The following KCNQ1 variants were observed in gnomAD, a reference collection of about 807,000 sequenced individuals.
KCNQ1 encodes potassium voltage-gated channel subfamily Q member 1.
KCNQ1 carries 49 observed loss-of-function variants against 72.4 expected under a neutral mutation model. The ratio of observed to expected loss-of-function variants is 0.68; its 90% confidence interval spans 0.54 to 0.86. The LOEUF is 0.86. KCNQ1 is among the 40% of genes least tolerant of loss of function. KCNQ1 has a pLI of 0.00. For synonymous variants in KCNQ1, 450 were observed against 412.6 expected (o/e 1.09, Z -1.10); for missense variants, 790 against 945.1 (o/e 0.84, Z 2.15).
chr11:2,814,264 AGGATGGATGGATGGTGGGATGGATGGAT>A (rs1397005237), intron 15 of KCNQ1, among the ~76,000 whole-genome samples: 2 of 150,320 alleles, frequency 1.3e-5, no homozygotes, highest in African/African-American at 2.5e-5. Flanking sequence ...GGCTGAATAA[AGGATGGATGGATGGTGGGATGGATGGAT>A]GGATGGATGG....
chr11:2,719,532 C>T (rs1851168718), intron 11 of KCNQ1, among the ~76,000 whole-genome samples: 1 of 151,950 alleles, frequency 6.6e-6, no homozygotes, highest in Non-Finnish European at 1.5e-5. Context: ...CCCCTGCACA[C>T]AAATCCCAGA....
At chr11:2,630,801 C>T in intron 10 of KCNQ1, 2 of 398,358 alleles carry the variant, frequency 5.0e-6, no homozygotes, top group Non-Finnish European at 8.9e-6. Context: ...TTTTGTTTAC[C>T]TGAGGAAGTC....
chr11:2,792,960 G>T (rs529646712), intron 15 of KCNQ1, among the ~76,000 whole-genome samples: 1 of 140,122 alleles, frequency 7.1e-6, no homozygotes, highest in South Asian at 2.6e-4. Flanking sequence ...CCGCCCCCCG[G>T]GAGCCGCAGG....
rs1457922896 is a variant in KCNQ1 at position 2,566,003 on chromosome 11, AGAT to A, written c.478-4622_478-4620del. On this transcript the variant is annotated intron_variant, in intron 2 of 15. Transcript: ENST00000155840. This position sits in a 1 kb window ranked among gnomAD's most constrained non-coding sequence, Gnocchi z 6.7. ...CTCTCCAGCTTCCCGGCTGCCCACT[AGAT>A]GACCACCAAGGCAGGGCGGCTGGTG... 1.3e-5 allele frequency among the ~76,000 whole-genome samples: 2 copies of A among 151,836 alleles called. No individual in the cohort carries two copies. Among genetic ancestry groups the A allele is most frequent in the African/African-American group, 2.4e-5 (1 of 41,278 alleles).
In KCNQ1 at chr11:2,622,271, A is replaced by T. The variant is rs1849186863; in HGVS notation, c.1393+33417A>T. ...ATACGTTTCCAATTGCGAAGTCTTG[A>T]GTAATTTTCCATTTTCTCAGTATGT... On this transcript the variant is annotated intron_variant, in intron 10 of 15. Coordinates refer to ENST00000155840, the MANE Select transcript of KCNQ1 (RefSeq NM_000218.3). 1.3e-5 allele frequency: 5 copies of T among 398,344 alleles called. No homozygotes were observed. In the East Asian group the frequency reaches 1.8e-4, roughly 14 times the overall value. 24.7% of individuals were successfully genotyped at this position (398,344 alleles called of 1,614,324 possible).
intron 1 of KCNQ1, among the ~76,000 whole-genome samples, chr11:2,448,271 C>T (rs529885379): frequency 2.0e-4 from 30 of 152,344 alleles, no homozygotes; most frequent in Non-Finnish European, 3.8e-4. Flanking sequence ...GAGACTGCCC[C>T]TGTAGGCTCT....
chr11:2,542,308 G>T (rs946709569), intron 2 of KCNQ1, among the ~76,000 whole-genome samples: 2 of 152,258 alleles, frequency 1.3e-5, no homozygotes, highest in Non-Finnish European at 2.9e-5. Context: ...CTCCCCTGGC[G>T]GGGGCGGGGA....
chr11:2,465,716 G>A (rs1192517965), intron 1 of KCNQ1, among the ~76,000 whole-genome samples: 1 of 152,222 alleles, frequency 6.6e-6, no homozygotes, highest in Non-Finnish European at 1.5e-5. Context: ...AGCTTCCTGG[G>A]AGAAGGTTTA....
At chr11:2,571,724 C>T (rs1303441719) in intron 4 of KCNQ1, among the ~76,000 whole-genome samples, 1 of 152,150 alleles carries the variant, frequency 6.6e-6, no homozygotes, top group Admixed American at 6.5e-5. Context: ...TGGGGTGACC[C>T]AAGGAGCCCC....
intron 10 of KCNQ1, chr11:2,634,321 C>G: frequency 4.2e-6 from 1 of 240,740 alleles, no homozygotes; most frequent in Non-Finnish European, 7.5e-6. Context: ...CCTCCCCCCT[C>G]CCCCCTCCCC....
chr11:2,583,681 C>T, intron 7 of KCNQ1, 136 bp downstream of exon 7: 2 of 724,194 alleles, frequency 2.8e-6, no homozygotes, highest in South Asian at 2.9e-5. Flanking sequence ...AGGTGCTATA[C>T]TCCAGAGCCC....
At chr11:2,496,495 C>CTTTTTTTTTTTGT (rs1846920690) in intron 1 of KCNQ1, among the ~76,000 whole-genome samples, 1 of 29,830 alleles carries the variant, frequency 3.4e-5, no homozygotes, top group African/African-American at 1.1e-4. Context: ...ACAACCCCTG[C>CTTTTTTTTTTTGT]TTTTTTTTTT....
rs1249749411 is a variant in KCNQ1 at position 2,784,431 on chromosome 11, G to T, written c.1794+6394G>T. 6.6e-6 allele frequency among the ~76,000 whole-genome samples: 1 copy of T among 151,744 alleles called. No homozygotes were observed. The highest frequency in any genetic ancestry group is 1.5e-5 in the Non-Finnish European group (1 of 67,758). On this transcript the variant is annotated intron_variant, in intron 15 of 15. Transcript: ENST00000155840. The surrounding 1 kb of genome is among the most constrained non-coding windows in gnomAD (Gnocchi z 4.7). ...TACTATACTGTCTTGATTATTGTAG[G>T]TTTACAGTAAGTTTTAAAATTAAAT...
chr11:2,648,981 CTTTTTTTTTTTTT>C, intron 10 of KCNQ1: 3 of 313,730 alleles, frequency 9.6e-6, no homozygotes, highest in African/African-American at 3.9e-5. Flanking sequence ...TTTTCTTTTT[CTTTTTTTTTTTTT>C]TTTTTTTTTT....
At position 2,598,285 on chromosome 11, in the gene KCNQ1, T is replaced by C. The variant is rs898153923; in HGVS notation, c.1393+9431T>C. On this transcript the variant is annotated intron_variant, in intron 10 of 15. Coordinates refer to ENST00000155840, the MANE Select transcript of KCNQ1 (RefSeq NM_000218.3). This position sits in a 1 kb window ranked among gnomAD's most constrained non-coding sequence, Gnocchi z 6.2. ...AGTTTTAATTTTGTGTTTTGATTTT[T>C]CTCTTTAGAGTTCTTTTAATGTCTT... Among the ~76,000 whole-genome samples, 10 of 152,178 alleles carry C rather than the reference T, an allele frequency of 6.6e-5. No individual in the cohort carries two copies. Among genetic ancestry groups the C allele is most frequent in the Non-Finnish European group, 1.3e-4 (9 of 68,028 alleles).
intron 2 of KCNQ1, among the ~76,000 whole-genome samples, chr11:2,529,548 T>C (rs1589932122): frequency 1.3e-5 from 2 of 152,246 alleles, no homozygotes; most frequent in African/African-American, 4.8e-5. Context: ...CATAATAATA[T>C]TGAGAGAATA....
intron 11 of KCNQ1, among the ~76,000 whole-genome samples, chr11:2,738,151 T>G (rs1302236288): frequency 7.7e-6 from 1 of 129,810 alleles, no homozygotes. Context: ...CTCCAAATGG[T>G]GGGGAGGGAG....
intron 9 of KCNQ1, 103 bp downstream of exon 9, chr11:2,587,795 G>T: frequency 6.6e-7 from 1 of 1,508,792 alleles, no homozygotes; most frequent in East Asian, 2.3e-5. Flanking sequence ...CATTTGGCTT[G>T]GTACAGCCTG....
chr11:2,632,474 A>G, intron 10 of KCNQ1: 1 of 398,452 alleles, frequency 2.5e-6, no homozygotes, highest in Non-Finnish European at 4.4e-6. Flanking sequence ...TCTTTTCACC[A>G]TTATGATGCT....
Sources: gnomAD v4.1 joint callset for allele counts (sites outside exome capture counted in the v4.1 genomes callset) on GRCh38, gnomAD v4.1.1 for gene constraint, Gnocchi (gnomAD v3.1) non-coding constraint, MANE v1.5 for transcripts, NCBI Gene and HGNC (gene_info 2026-07-23, HGNC 2026-07-21) for gene names.